The following SHOC2 variants were observed in gnomAD, a reference collection of about 807,000 sequenced individuals.
SHOC2 encodes leucine-rich repeat protein SHOC-2.
SHOC2 carries 4 observed loss-of-function variants against 50.2 expected under a neutral mutation model. That is an observed-to-expected ratio of 0.08 (90% CI 0.04 to 0.18). The LOEUF (loss-of-function observed/expected upper bound fraction) is 0.18. Among genes scored for constraint, SHOC2 ranks in the 10% least tolerant of loss-of-function variants. The pLI, the probability that SHOC2 is intolerant of heterozygous loss-of-function variation, is 1.00. For missense variants in SHOC2, 388 were observed against 669.6 expected, an observed-to-expected ratio of 0.58 and a Z score of 4.64; for synonymous variants, 218 against 244.5, an observed-to-expected ratio of 0.89 and a Z score of 1.01.
chr10:110,978,614 C>G (rs778448560), intron 2 of SHOC2, among the ~76,000 whole-genome samples: 1 of 152,234 alleles, frequency 6.6e-6, no homozygotes, highest in Non-Finnish European at 1.5e-5. Context: ...CTGTTGAAAT[C>G]TCTGCTCAGC....
intron 1 of SHOC2, among the ~76,000 whole-genome samples, chr10:110,926,894 T>C (rs1170677619): frequency 6.6e-6 from 1 of 152,208 alleles, no homozygotes; most frequent in Non-Finnish European, 1.5e-5. Context: ...CAAATAATTA[T>C]CTGAAAATAC....
intron 1 of SHOC2, among the ~76,000 whole-genome samples, chr10:110,958,687 T>C (rs191368927): frequency 1.6e-4 from 25 of 152,328 alleles, no homozygotes; most frequent in Non-Finnish European, 3.7e-4. Context: ...TGGACTAGAC[T>C]AGAATCTAAG....
At position 110,947,834 on chromosome 10, in the gene SHOC2, C is replaced by T. The variant is rs143856716; in HGVS notation, c.-234-16291C>T. On this transcript the variant is annotated intron_variant, in intron 1 of 8. Transcript: ENST00000369452. ...GAAGATGAAAGAAATAGAGGAGCTA[C>T]AAGATAGTCAGAAAACAACAAAATG... Among the ~76,000 whole-genome samples, 972 of 149,268 alleles carry T rather than the reference C, an allele frequency of 6.5e-3. 7 individuals are homozygous for T. The highest frequency in any genetic ancestry group is 0.01 in the Non-Finnish European group (703 of 67,398).
chr10:110,945,279 T>A (rs1175310511), intron 1 of SHOC2, among the ~76,000 whole-genome samples: 2 of 152,184 alleles, frequency 1.3e-5, no homozygotes. Context: ...GAAACAAGAC[T>A]GCTCAAGCAA....
chr10:111,007,809 T>C (rs1848498289), intron 6 of SHOC2, among the ~76,000 whole-genome samples, 156 bp downstream of exon 6: 1 of 152,132 alleles, frequency 6.6e-6, no homozygotes, highest in Non-Finnish European at 1.5e-5. Flanking sequence ...GATAATGAAG[T>C]GTTGACTTAG....
chr10:110,996,801 A>G (rs1447519274), intron 3 of SHOC2, among the ~76,000 whole-genome samples: 1 of 152,202 alleles, frequency 6.6e-6, no homozygotes, highest in East Asian at 1.9e-4. Flanking sequence ...CTGGCTCTGC[A>G]CTAGAGTTCT....
At chr10:110,934,448 G>T (rs560059755) in intron 1 of SHOC2, among the ~76,000 whole-genome samples, 1 of 152,136 alleles carries the variant, frequency 6.6e-6, no homozygotes, top group South Asian at 2.1e-4. Flanking sequence ...CTATTTGTTA[G>T]TTACATACAA....
intron 1 of SHOC2, among the ~76,000 whole-genome samples, chr10:110,961,531 T>A (rs1174165580): frequency 6.6e-6 from 1 of 152,214 alleles, no homozygotes; most frequent in African/African-American, 2.4e-5. Flanking sequence ...AAGTAAAGCA[T>A]AGTAATTTTG....
At chr10:110,936,117 T>G (rs1421670162) in intron 1 of SHOC2, among the ~76,000 whole-genome samples, 2 of 142,600 alleles carry the variant, frequency 1.4e-5, no homozygotes, top group Admixed American at 7.1e-5. Flanking sequence ...TTTTTTTGAG[T>G]CGGAGTTTCG....
intron 1 of SHOC2, among the ~76,000 whole-genome samples, chr10:110,932,411 T>C (rs1846913175): frequency 1.3e-5 from 2 of 152,156 alleles, no homozygotes; most frequent in Non-Finnish European, 2.9e-5. Flanking sequence ...GATGGGAAAG[T>C]GGATATGGTG....
chr10:111,004,353 A>T (rs548387752), intron 4 of SHOC2, among the ~76,000 whole-genome samples: 2 of 152,320 alleles, frequency 1.3e-5, no homozygotes, highest in South Asian at 4.1e-4. Flanking sequence ...AAAGAATAAA[A>T]ATTGGGAAAA....
Position 110,985,710 on chromosome 10 carries a change from G to C in SHOC2, c.786G>C (p.Gln262His). The C allele has an allele frequency of 6.2e-7, 1 of 1,612,894 alleles. No individual in the cohort carries two copies. The highest frequency in any genetic ancestry group is 1.7e-4 in the Middle Eastern group (1 of 6,058). ...CAAAGGAGATTGGAAACTGTACACA[G>C]ATAACCAACCTTGACTTGCAGCACA... is the stretch of plus-strand genomic sequence containing the variant. ...HLPKEIGNCT[Q>H]ITNLDLQHNE... The change falls in exon 3 of 9, where the codon CAG (glutamine) becomes CAC (histidine). Residue 262 changes from glutamine (Q) to histidine (H), a missense_variant. Gln to His is a conservative substitution (Grantham distance 24). Around this residue, in one of 5 missense-constraint regions of SHOC2, gnomAD observed 88 missense variants for 147.2 expected, o/e 0.60. Transcript: ENST00000369452.
chr10:111,008,741 G>A (rs138595156), intron 6 of SHOC2, among the ~76,000 whole-genome samples: 257 of 152,154 alleles, frequency 1.7e-3, no homozygotes, highest in African/African-American at 6.0e-3. Flanking sequence ...TCCCAACCCA[G>A]TATTGTCTCC....
chr10:110,987,641 A>C (rs1382236433), intron 3 of SHOC2, among the ~76,000 whole-genome samples: 2 of 152,210 alleles, frequency 1.3e-5, no homozygotes, highest in Non-Finnish European at 2.9e-5. Context: ...GGTTCAAGAT[A>C]ATAAGGACCA....
chr10:110,956,533 T>G (rs892596610), intron 1 of SHOC2, among the ~76,000 whole-genome samples: 4 of 152,224 alleles, frequency 2.6e-5, no homozygotes, highest in African/African-American at 9.6e-5. Flanking sequence ...TGTGATACTT[T>G]GCTGCTTTTT....
chr10:110,963,229 A>G (rs1428544694), intron 1 of SHOC2, among the ~76,000 whole-genome samples: 2 of 152,196 alleles, frequency 1.3e-5, no homozygotes, highest in African/African-American at 4.8e-5. Context: ...CCTTCCATAA[A>G]TATTTTACTA....
chr10:110,965,712 C>T (rs1217352858), intron 2 of SHOC2, among the ~76,000 whole-genome samples: 1 of 151,802 alleles, frequency 6.6e-6, no homozygotes, highest in Non-Finnish European at 1.5e-5. Context: ...CTAACTTGTA[C>T]TAAAACAAAG....
intron 3 of SHOC2, among the ~76,000 whole-genome samples, chr10:110,987,648 A>G (rs1383496034): frequency 6.6e-6 from 1 of 152,174 alleles, no homozygotes; most frequent in Admixed American, 6.5e-5. Flanking sequence ...GATAATAAGG[A>G]CCAAGCACAA....
chr10:110,973,287 A>C (rs1032159979), intron 2 of SHOC2, among the ~76,000 whole-genome samples: 1 of 152,216 alleles, frequency 6.6e-6, no homozygotes, highest in African/African-American at 2.4e-5. Flanking sequence ...ATTTTAGAAT[A>C]TAAGAATCCT....
Sources: gnomAD v4.1 joint callset for allele counts (sites outside exome capture counted in the v4.1 genomes callset) on GRCh38, gnomAD v4.1.1 for gene constraint, gnomAD v4.1.1 regional missense constraint, MANE v1.5 for transcripts, NCBI Gene and HGNC (gene_info 2026-07-23, HGNC 2026-07-21) for gene names.